Variants in SLIT2 observed in about 807,000 individuals in gnomAD.
The protein encoded by SLIT2 is slit homolog 2 protein.
In SLIT2, 41 loss-of-function variants were observed where a neutral mutation model predicts 185.7. The observed-to-expected ratio is 0.22, with a 90% CI of 0.17 to 0.29. SLIT2 has a LOEUF of 0.29. Ranked by LOEUF, SLIT2 falls within the 10% of genes least tolerant of loss-of-function variation. The pLI is 1.00. For synonymous variants in SLIT2, 693 were observed against 680.2 expected (o/e 1.02, Z -0.29); for missense variants, 1,571 against 1,909.0 (o/e 0.82, Z 3.30).
Position 20,528,350 on chromosome 4 carries a change from G to A in SLIT2, c.1463-599G>A, listed in dbSNP as rs771984794. On this transcript the variant is annotated intron_variant, in intron 15 of 36. Coordinates refer to ENST00000504154, the MANE Select transcript of SLIT2 (RefSeq NM_004787.4). The surrounding 1 kb of genome is among the most constrained non-coding windows in gnomAD (Gnocchi z 4.2). ...CGAGGTATGAGTAAAACATGGTTCC[G>A]TCAAGCACCATGGAACGTCACGCAG... 4.5e-5 allele frequency: 24 copies of A among 534,370 alleles called. No individual in the cohort carries two copies. Among genetic ancestry groups the A allele is most frequent in the South Asian group, 1.4e-4 (10 of 71,536 alleles). 33.1% of individuals were successfully genotyped at this position (534,370 alleles called of 1,614,324 possible).
chr4:20,546,880 G>GA (rs1239020729), intron 22 of SLIT2, among the ~76,000 whole-genome samples: 2 of 151,896 alleles, frequency 1.3e-5, no homozygotes, highest in Non-Finnish European at 2.9e-5. Flanking sequence ...AAAAAATCAG[G>GA]AAAAAGATAG....
intron 32 of SLIT2, 27 bp downstream of exon 32, chr4:20,596,682 T>C: frequency 6.3e-7 from 1 of 1,592,636 alleles, no homozygotes; most frequent in African/African-American, 1.3e-5. Context: ...TATGGAGAGA[T>C]GATCGGATCT....
intron 4 of SLIT2, among the ~76,000 whole-genome samples, chr4:20,453,098 A>C (rs1712658074): frequency 6.6e-6 from 1 of 152,250 alleles, no homozygotes. Flanking sequence ...GATTAGCTTA[A>C]GATTGCCTTT....
chr4:20,426,797 A>C (rs1728593820), intron 4 of SLIT2, among the ~76,000 whole-genome samples: 1 of 152,196 alleles, frequency 6.6e-6, no homozygotes, highest in Non-Finnish European at 1.5e-5. Flanking sequence ...TAAGTAGTGC[A>C]TATGGGCTGG....
intron 4 of SLIT2, 51 bp from the exon 5 acceptor site, chr4:20,467,701 T>C (rs773740425): frequency 2.4e-5 from 27 of 1,116,230 alleles, no homozygotes; most frequent in Non-Finnish European, 3.4e-5. Context: ...ATTAAAATAA[T>C]CTTTAAATAA....
intron 4 of SLIT2, among the ~76,000 whole-genome samples, chr4:20,437,158 A>G (rs1337576163): frequency 6.6e-6 from 1 of 152,030 alleles, no homozygotes; most frequent in Non-Finnish European, 1.5e-5. Flanking sequence ...TAAAATCCAG[A>G]CTCATATACC....
At chr4:20,298,774 TTTTAA>T (rs1356650411) in intron 4 of SLIT2, among the ~76,000 whole-genome samples, 7 of 152,326 alleles carry the variant, frequency 4.6e-5, no homozygotes, top group African/African-American at 9.6e-5. Flanking sequence ...TAGTTGTGAC[TTTTAA>T]TTTATTTCTT....
At chr4:20,346,691 C>G (rs970483713) in intron 4 of SLIT2, among the ~76,000 whole-genome samples, 14 of 152,174 alleles carry the variant, frequency 9.2e-5, no homozygotes, top group Non-Finnish European at 1.8e-4. Context: ...CCCAAAACCT[C>G]AAAAGTCAGG....
At chr4:20,336,577 T>C (rs768292046) in intron 4 of SLIT2, among the ~76,000 whole-genome samples, 1 of 152,122 alleles carries the variant, frequency 6.6e-6, no homozygotes, top group African/African-American at 2.4e-5. Context: ...AAATACCTAA[T>C]GTAGATGATG....
At chr4:20,489,061 A>G (rs1007755288) in intron 8 of SLIT2, 79 bp downstream of exon 8, 7 of 1,181,114 alleles carry the variant, frequency 5.9e-6, no homozygotes, top group East Asian at 2.4e-5. Flanking sequence ...GCATGCGTCA[A>G]AGGTTTCAGT....
chr4:20,287,785 G>A (rs1715407278), intron 4 of SLIT2, among the ~76,000 whole-genome samples: 1 of 152,050 alleles, frequency 6.6e-6, no homozygotes, highest in Non-Finnish European at 1.5e-5. Context: ...TCATCTTTAT[G>A]CTTCCCACAG....
At chr4:20,586,412 T>C (rs549315172) in intron 29 of SLIT2, among the ~76,000 whole-genome samples, 13 of 152,276 alleles carry the variant, frequency 8.5e-5, no homozygotes, top group Admixed American at 2.6e-4. Context: ...TTTTAATGAC[T>C]ATTATTTGAG....
At chr4:20,589,291 C>T (rs575571620) in intron 29 of SLIT2, among the ~76,000 whole-genome samples, 6 of 152,138 alleles carry the variant, frequency 3.9e-5, no homozygotes, top group South Asian at 2.1e-4. Context: ...TTTATTCATC[C>T]TTTGGGTCTA....
At chr4:20,480,361 T>G (rs1430793639) in intron 5 of SLIT2, among the ~76,000 whole-genome samples, 1 of 152,178 alleles carries the variant, frequency 6.6e-6, no homozygotes, top group Non-Finnish European at 1.5e-5. Flanking sequence ...TTAAGTGATT[T>G]ACAGTCCTTT....
intron 5 of SLIT2, among the ~76,000 whole-genome samples, chr4:20,472,326 C>CTATA (rs1270887173): frequency 2.3e-5 from 1 of 43,310 alleles, no homozygotes; most frequent in Non-Finnish European, 4.1e-5. Flanking sequence ...ATATATATAT[C>CTATA]TATATATAGA....
intron 4 of SLIT2, among the ~76,000 whole-genome samples, chr4:20,287,998 A>T (rs555922035): frequency 6.6e-6 from 1 of 152,240 alleles, no homozygotes; most frequent in Non-Finnish European, 1.5e-5. Context: ...GAAATGAAAC[A>T]AAATTTCAGT....
intron 4 of SLIT2, among the ~76,000 whole-genome samples, chr4:20,399,404 G>A (rs977192422): frequency 1.3e-5 from 2 of 151,744 alleles, no homozygotes; most frequent in Non-Finnish European, 3.0e-5. Context: ...GTCCCTGGGC[G>A]AACCATAAAC....
rs185954137 is a variant in SLIT2 at position 20,486,238 on chromosome 4, C to A, written c.578C>A (p.Ala193Glu). 1.2e-6 allele frequency: 2 copies of A among 1,604,446 alleles called. No homozygotes were observed. The highest frequency in any genetic ancestry group is 1.3e-5 in the African/African-American group (1 of 74,822). Residue 193 changes from alanine (A) to glutamate (E), a missense_variant, in exon 7 of 37, where the codon GCA (alanine) becomes GAA (glutamate). Physicochemically the swap from Ala to Glu is moderately radical, Grantham distance 107. Coordinates refer to ENST00000504154, the MANE Select transcript of SLIT2 (RefSeq NM_004787.4). ...NNNNITRLSV[A>E]SFNHMPKLRT... is the part of the protein sequence containing the mutation. ...AACAACATTACTAGACTTTCTGTGGCAAGTTTCAACCATATGCCTAAACTT... is the reference window on the plus strand; with the variant it reads ...AACAACATTACTAGACTTTCTGTGGAAAGTTTCAACCATATGCCTAAACTT...
chr4:20,569,065 A>G, intron 29 of SLIT2, 61 bp downstream of exon 29: 5 of 1,368,274 alleles, frequency 3.7e-6, no homozygotes, highest in Non-Finnish European at 5.2e-6. Flanking sequence ...GCATCATTGG[A>G]ACTATGTTAT....
Sources: gnomAD v4.1 joint callset for allele counts (sites outside exome capture counted in the v4.1 genomes callset) on GRCh38, gnomAD v4.1.1 for gene constraint, Gnocchi (gnomAD v3.1) non-coding constraint, MANE v1.5 for transcripts, NCBI Gene and HGNC (gene_info 2026-07-23, HGNC 2026-07-21) for gene names.